Variants in BACH2 observed in about 807,000 individuals in gnomAD.
BACH2 encodes the protein transcription regulator protein BACH2.
Under a neutral mutation model 61.8 loss-of-function variants are expected in BACH2, and 5 were observed. The ratio of observed to expected loss-of-function variants is 0.08; its 90% confidence interval spans 0.04 to 0.17. The LOEUF (loss-of-function observed/expected upper bound fraction) is 0.17. Ranked by LOEUF, BACH2 falls within the 10% of genes least tolerant of loss-of-function variation. BACH2 has a pLI of 1.00. For missense variants in BACH2, 824 were observed against 1,091.1 expected (o/e 0.76, Z 3.45); for synonymous variants, 446 against 440.1 (o/e 1.01, Z -0.17).
rs552639518 is a variant in BACH2 at position 90,232,795 on chromosome 6, T to C, written c.-275+19718A>G. Among the ~76,000 whole-genome samples, 15 of 152,340 alleles carry C rather than the reference T, an allele frequency of 9.8e-5. No homozygotes were observed. The South Asian group carries it at 3.1e-3, about 32-fold the overall frequency. ...CGTCTTCATAATAGCTGCCAAAAAG[T>C]TCAAAACCACATTTATGGCCTGTCT... On this transcript the variant is annotated intron_variant, in intron 3 of 8. Transcript: ENST00000257749.
chr6:90,030,417 G>C (rs1048759401), intron 5 of BACH2, among the ~76,000 whole-genome samples: 1 of 151,906 alleles, frequency 6.6e-6, no homozygotes, highest in Non-Finnish European at 1.5e-5. Context: ...CAGACCAGCA[G>C]GGTTTTTTGA....
At chr6:90,060,098 A>T (rs1333369755) in intron 5 of BACH2, among the ~76,000 whole-genome samples, 1 of 151,930 alleles carries the variant, frequency 6.6e-6, no homozygotes, top group African/African-American at 2.4e-5. Flanking sequence ...CACGTCGTGC[A>T]CATGTACCCT....
At chr6:90,057,450 A>T (rs979813499) in intron 5 of BACH2, among the ~76,000 whole-genome samples, 20 of 152,204 alleles carry the variant, frequency 1.3e-4, no homozygotes, top group African/African-American at 4.8e-4. Context: ...GAATAGACCA[A>T]TAACAGGAGC....
At chr6:90,128,364 C>T (rs1023919339) in intron 4 of BACH2, among the ~76,000 whole-genome samples, 3 of 152,050 alleles carry the variant, frequency 2.0e-5, no homozygotes, top group African/African-American at 7.3e-5. Flanking sequence ...GGGTGGATCA[C>T]GAGGTAAAGA....
At chr6:90,232,262 A>C (rs2127860681) in intron 3 of BACH2, among the ~76,000 whole-genome samples, 1 of 152,278 alleles carries the variant, frequency 6.6e-6, no homozygotes, top group African/African-American at 2.4e-5. Flanking sequence ...TACCTGCCTT[A>C]ATCTGTGGCC....
rs183398771 is a variant in BACH2, at chr6:90,028,661, C to G, written c.-12-19805G>C. Among the ~76,000 whole-genome samples the G allele has an allele frequency of 2.0e-5, 3 of 152,334 alleles. No individual in the cohort carries two copies. In the East Asian group the frequency reaches 5.8e-4, roughly 29 times the overall value. ...CACAAGGCGTAAGCAACTTAAAACA[C>G]AAACGTGGGAAACAGAATGACTCCT... On this transcript the variant is annotated intron_variant, in intron 5 of 8. Coordinates refer to ENST00000257749, the MANE Select transcript of BACH2 (RefSeq NM_021813.4).
chr6:90,249,917 G>A (rs560882943), intron 3 of BACH2, among the ~76,000 whole-genome samples: 11 of 152,274 alleles, frequency 7.2e-5, no homozygotes, highest in Non-Finnish European at 1.2e-4. Flanking sequence ...CAAGACTGCC[G>A]TTTATTTAAT....
At chr6:89,997,548 A>G (rs1776916626) in intron 6 of BACH2, among the ~76,000 whole-genome samples, 1 of 152,252 alleles carries the variant, frequency 6.6e-6, no homozygotes, top group Non-Finnish European at 1.5e-5. Flanking sequence ...AGTGGGAAAC[A>G]AACAGTGCAC....
chr6:90,149,800 A>G (rs1290359291), intron 4 of BACH2, among the ~76,000 whole-genome samples: 2 of 152,152 alleles, frequency 1.3e-5, no homozygotes, highest in African/African-American at 2.4e-5. Context: ...CTGGGTTCCA[A>G]TTAGTCTGTC....
rs1213657422 is a variant in BACH2 at position 89,927,214 on chromosome 6, T to C, written c.*5194A>G. ...CTAACAAGCACCTGAAGCTCCCAAA[T>C]GCATATGGAATCTTCCTGATCACTC... On this transcript the variant is annotated 3_prime_UTR_variant, in exon 9 of 9. Coordinates refer to ENST00000257749, the MANE Select transcript of BACH2 (RefSeq NM_021813.4). The C allele has an allele frequency of 6.5e-6, 1 of 152,786 alleles. No individual in the cohort carries two copies. The highest frequency in any genetic ancestry group is 1.5e-5 in the Non-Finnish European group (1 of 68,036). 9.5% of individuals were successfully genotyped at this position (152,786 alleles called of 1,614,324 possible).
chr6:90,004,429 A>G (rs2127779192), intron 6 of BACH2, among the ~76,000 whole-genome samples: 1 of 152,294 alleles, frequency 6.6e-6, no homozygotes, highest in South Asian at 2.1e-4. Context: ...TCCCTGCATG[A>G]ACCCGTCCCC....
chr6:89,947,793 G>T (rs543889805), intron 7 of BACH2, among the ~76,000 whole-genome samples: 6 of 151,892 alleles, frequency 4.0e-5, no homozygotes, highest in Middle Eastern at 3.4e-3. Context: ...GGATGGTCTC[G>T]ATCTCCCGAC....
chr6:90,114,415 C>A (rs575476229), intron 4 of BACH2, among the ~76,000 whole-genome samples: 36 of 152,178 alleles, frequency 2.4e-4, no homozygotes, highest in Non-Finnish European at 4.4e-4. Flanking sequence ...AAGACAAAAA[C>A]CACATGATTA....
intron 6 of BACH2, among the ~76,000 whole-genome samples, chr6:89,975,476 G>T (rs1365500730): frequency 1.3e-5 from 2 of 151,828 alleles, no homozygotes; most frequent in African/African-American, 2.4e-5. Flanking sequence ...GCTTTCTTTT[G>T]TTTCTCAGAC....
In BACH2 at chr6:90,050,499, T is replaced by C. The variant is rs547109592; in HGVS notation, c.-13+38462A>G. 7.9e-5 allele frequency among the ~76,000 whole-genome samples: 12 copies of C among 152,270 alleles called. No homozygotes were observed. In the East Asian group the frequency reaches 1.3e-3, roughly 17 times the overall value. On this transcript the variant is annotated intron_variant, in intron 5 of 8. Coordinates refer to ENST00000257749, the MANE Select transcript of BACH2 (RefSeq NM_021813.4). ...GAAACAAAAATGACATATCACAAGA[T>C]TGAACACTAAAAGAGATATTAGAAT...
chr6:90,189,879 C>T (rs1459793775), intron 4 of BACH2, among the ~76,000 whole-genome samples: 1 of 152,138 alleles, frequency 6.6e-6, no homozygotes, highest in East Asian at 1.9e-4. Flanking sequence ...AGTGAAAGAA[C>T]CAAAGATATA....
chr6:89,949,950 G>A (rs958588222), intron 7 of BACH2, among the ~76,000 whole-genome samples: 2 of 151,962 alleles, frequency 1.3e-5, no homozygotes, highest in African/African-American at 4.8e-5. Context: ...GAGGGGGAGA[G>A]AGGGAGGAGA....
At chr6:90,076,266 A>C (rs1031810792) in intron 5 of BACH2, among the ~76,000 whole-genome samples, 1 of 152,200 alleles carries the variant, frequency 6.6e-6, no homozygotes, top group Non-Finnish European at 1.5e-5. Flanking sequence ...ATGAGGATTA[A>C]ATCTTCATAA....
chr6:90,285,065 A>AT (rs1771976189), intron 1 of BACH2, among the ~76,000 whole-genome samples: 1 of 152,194 alleles, frequency 6.6e-6, no homozygotes, highest in African/African-American at 2.4e-5. Context: ...GTTTATGATG[A>AT]TTGGATCAAC....
Sources: allele counts gnomAD v4.1 joint callset (sites outside exome capture counted in the v4.1 genomes callset), GRCh38; gene constraint gnomAD v4.1.1; transcripts MANE v1.5; gene names NCBI Gene and HGNC (gene_info 2026-07-23, HGNC 2026-07-21).